SNTG1: variants seen among roughly 807,000 people sequenced by gnomAD.
SNTG1 encodes the protein gamma-1-syntrophin.
Under a neutral mutation model 74.7 loss-of-function variants are expected in SNTG1, and 39 were observed. The observed-to-expected ratio is 0.52, with a 90% CI of 0.40 to 0.68. SNTG1 has a LOEUF of 0.68. Ranked by LOEUF, SNTG1 falls within the 30% of genes least tolerant of loss-of-function variation. The pLI is 0.00. For missense variants in SNTG1, 685 were observed against 609.5 expected, an observed-to-expected ratio of 1.12 and a Z score of -1.30; for synonymous variants, 254 against 217.1, an observed-to-expected ratio of 1.17 and a Z score of -1.49.
chr8:50,589,600 A>C (rs1363097317), intron 12 of SNTG1, among the ~76,000 whole-genome samples: 2 of 152,194 alleles, frequency 1.3e-5, no homozygotes, highest in African/African-American at 4.8e-5. Flanking sequence ...TAAAAAAAAA[A>C]AAAACATTGC....
chr8:50,738,298 T>A (rs1020644582), intron 17 of SNTG1, among the ~76,000 whole-genome samples: 1 of 152,102 alleles, frequency 6.6e-6, no homozygotes, highest in Non-Finnish European at 1.5e-5. Flanking sequence ...ATGAGTGAAA[T>A]TTTATTCACA....
rs114605534 is a variant in SNTG1 at position 50,549,370 on chromosome 8, A to G, written c.681-3680A>G. Among the ~76,000 whole-genome samples, 317 of 152,214 alleles carry G rather than the reference A, an allele frequency of 2.1e-3. 1 individual carries two copies. Among genetic ancestry groups the G allele is most frequent in the African/African-American group, 7.3e-3 (305 of 41,530 alleles). The stretch of plus-strand genomic sequence containing the variant: ...TCTTATTTCTTTCTTTCCTTCAATA[A>G]CATCCCCCTACCAATTAAGTGATAA... On this transcript the variant is annotated intron_variant, in intron 11 of 18. Transcript: ENST00000642720.
chr8:50,340,353 G>C (rs1468539147), intron 2 of SNTG1, among the ~76,000 whole-genome samples: 1 of 151,972 alleles, frequency 6.6e-6, no homozygotes, highest in African/African-American at 2.4e-5. Context: ...CCAAAACAGT[G>C]TGGTGTTAGC....
In SNTG1 at chr8:50,550,376, T is replaced by A. The variant is rs546829651; in HGVS notation, c.681-2674T>A. On this transcript the variant is annotated intron_variant, in intron 11 of 18. Transcript: ENST00000642720. Reference sequence around the variant, plus strand: ...GTACATGCCCTCATGTGGGGTAAAATCAACAATGAATCAAAACAGGAATCA... The same window carrying A: ...GTACATGCCCTCATGTGGGGTAAAAACAACAATGAATCAAAACAGGAATCA... 2.0e-5 allele frequency among the ~76,000 whole-genome samples: 3 copies of A among 152,240 alleles called. No homozygotes were observed. In the South Asian group the frequency reaches 6.2e-4, roughly 32 times the overall value.
At chr8:50,622,450 G>A (rs2094929370) in intron 13 of SNTG1, among the ~76,000 whole-genome samples, 1 of 152,044 alleles carries the variant, frequency 6.6e-6, no homozygotes, top group Admixed American at 6.6e-5. Context: ...ACTTAATTTA[G>A]GGAAAATAGT....
At chr8:49,989,269 T>C (rs150901730) in intron 1 of SNTG1, among the ~76,000 whole-genome samples, 30 of 151,976 alleles carry the variant, frequency 2.0e-4, no homozygotes, top group African/African-American at 7.0e-4. Flanking sequence ...AGAAAGATCT[T>C]AATAATGACC....
At chr8:50,485,111 G>A (rs1280128242) in intron 8 of SNTG1, among the ~76,000 whole-genome samples, 1 of 152,146 alleles carries the variant, frequency 6.6e-6, no homozygotes, top group African/African-American at 2.4e-5. Flanking sequence ...TGGAAACTTT[G>A]CTCATTTGAG....
chr8:50,032,554 T>C (rs1430741313), intron 1 of SNTG1, among the ~76,000 whole-genome samples: 2 of 152,156 alleles, frequency 1.3e-5, no homozygotes, highest in Admixed American at 1.3e-4. Flanking sequence ...TTTTTGTTTG[T>C]CTGCACCCGT....
intron 5 of SNTG1, among the ~76,000 whole-genome samples, chr8:50,438,886 CAT>C (rs2093331894): frequency 6.6e-6 from 1 of 152,074 alleles, no homozygotes; most frequent in African/African-American, 2.4e-5. Context: ...ATGTCGTGTG[CAT>C]ATCTTTCTTT....
intron 1 of SNTG1, among the ~76,000 whole-genome samples, chr8:50,165,504 T>C (rs573864028): frequency 5.9e-5 from 9 of 152,346 alleles, no homozygotes; most frequent in African/African-American, 2.2e-4. Flanking sequence ...CAGATAGAGC[T>C]TTTGTATCTG....
chr8:50,261,844 G>T (rs1032453845), intron 2 of SNTG1, among the ~76,000 whole-genome samples: 1 of 152,106 alleles, frequency 6.6e-6, no homozygotes, highest in Non-Finnish European at 1.5e-5. Context: ...ATAGAAGGCT[G>T]AAAAAGAGTG....
At chr8:49,941,485 A>T (rs1050441649) in intron 1 of SNTG1, among the ~76,000 whole-genome samples, 3 of 148,160 alleles carry the variant, frequency 2.0e-5, no homozygotes, top group Non-Finnish European at 4.5e-5. Flanking sequence ...ATTAATTTAT[A>T]TACATTATAT....
intron 1 of SNTG1, among the ~76,000 whole-genome samples, chr8:50,062,582 T>C (rs551673770): frequency 1.3e-5 from 2 of 152,330 alleles, no homozygotes; most frequent in East Asian, 3.9e-4. Flanking sequence ...CATATTTTAT[T>C]AATGTTCACA....
At chr8:50,026,432 G>A (rs1247126580) in intron 1 of SNTG1, among the ~76,000 whole-genome samples, 1 of 152,090 alleles carries the variant, frequency 6.6e-6, no homozygotes, top group Non-Finnish European at 1.5e-5. Context: ...GGCTCATTTG[G>A]CTAAAGGGAG....
At chr8:50,588,666 A>G (rs535146270) in intron 12 of SNTG1, among the ~76,000 whole-genome samples, 1 of 152,338 alleles carries the variant, frequency 6.6e-6, no homozygotes, top group Admixed American at 6.5e-5. Flanking sequence ...ATATTTTTAC[A>G]TAATCCTGGG....
At chr8:50,498,077 G>GAAAAGTATTTGTAAGTAC (rs2093919552) in intron 8 of SNTG1, among the ~76,000 whole-genome samples, 1 of 151,644 alleles carries the variant, frequency 6.6e-6, no homozygotes, top group African/African-American at 2.4e-5. Flanking sequence ...GAATATTCAT[G>GAAAAGTATTTGTAAGTAC]AAAAGTATTT....
chr8:50,534,730 A>C lies in SNTG1; in HGVS notation c.550-1948A>C, dbSNP rs554694603. Among the ~76,000 whole-genome samples the C allele has an allele frequency of 1.3e-4, 20 of 152,270 alleles. No homozygotes were observed. In the South Asian group the frequency reaches 3.7e-3, roughly 28 times the overall value. On this transcript the variant is annotated intron_variant, in intron 10 of 18. Coordinates refer to ENST00000642720, the MANE Select transcript of SNTG1 (RefSeq NM_018967.5). ...CAGGGGCGGAGGTTTCAGTGAGCTA[A>C]GATCACACCATGCACTTCTAAGTGA...
chr8:50,181,008 C>T (rs2083187704), intron 2 of SNTG1, among the ~76,000 whole-genome samples: 1 of 152,100 alleles, frequency 6.6e-6, no homozygotes, highest in South Asian at 2.1e-4. Flanking sequence ...AGGTGATCTG[C>T]CTGTTTCAGC....
At chr8:50,153,098 T>C (rs962752137) in intron 1 of SNTG1, among the ~76,000 whole-genome samples, 1 of 152,212 alleles carries the variant, frequency 6.6e-6, no homozygotes, top group African/African-American at 2.4e-5. Context: ...GAGGCCTTGT[T>C]CGTTTCTTTT....
Sources: gnomAD v4.1 joint callset for allele counts (sites outside exome capture counted in the v4.1 genomes callset) on GRCh38, gnomAD v4.1.1 for gene constraint, MANE v1.5 for transcripts, NCBI Gene and HGNC (gene_info 2026-07-23, HGNC 2026-07-21) for gene names.